FAM168A: variants seen among roughly 807,000 people sequenced by gnomAD.
The protein encoded by FAM168A is family with sequence similarity 168 member A, also known as protein FAM168A.
FAM168A carries 3 observed loss-of-function variants against 28.5 expected under a neutral mutation model. The observed-to-expected ratio is 0.11, with a 90% confidence interval of 0.05 to 0.27. The LOEUF is 0.27. Ranked by LOEUF, FAM168A falls within the 10% of genes least tolerant of loss-of-function variation. The pLI is 1.00. For synonymous variants in FAM168A, 122 were observed against 124.2 expected (o/e 0.98, Z 0.12); for missense variants, 222 against 311.5 (o/e 0.71, Z 2.16).
chr11:73,570,927 A>C (rs1944078771), intron 1 of FAM168A, among the ~76,000 whole-genome samples: 1 of 152,184 alleles, frequency 6.6e-6, no homozygotes, highest in Non-Finnish European at 1.5e-5. Flanking sequence ...TGTTCATACT[A>C]GCAGACCAAG....
chr11:73,459,879 ATTT>A (rs918564469), intron 2 of FAM168A, among the ~76,000 whole-genome samples: 2 of 108,444 alleles, frequency 1.8e-5, no homozygotes, highest in Admixed American at 9.3e-5. Context: ...ATCCAAATGA[ATTT>A]TTTTTTTTTT....
intron 2 of FAM168A, among the ~76,000 whole-genome samples, chr11:73,445,447 T>C (rs1449865341): frequency 7.8e-6 from 1 of 128,676 alleles, no homozygotes; most frequent in Non-Finnish European, 1.6e-5. Context: ...TTTTTTTTTT[T>C]TTGGTAGAGA....
chr11:73,489,202 C>G (rs1281525174), intron 1 of FAM168A, among the ~76,000 whole-genome samples: 1 of 152,094 alleles, frequency 6.6e-6, no homozygotes, highest in Non-Finnish European at 1.5e-5. Context: ...TTCATGTCTC[C>G]TTCCCTTCAT....
chr11:73,503,725 C>T (rs1446172250), intron 1 of FAM168A, among the ~76,000 whole-genome samples: 1 of 152,164 alleles, frequency 6.6e-6, no homozygotes, highest in African/African-American at 2.4e-5. Flanking sequence ...AAGCTGGAGG[C>T]ATCATGCTAC....
At chr11:73,573,652 A>G (rs1944135459) in intron 1 of FAM168A, among the ~76,000 whole-genome samples, 1 of 152,210 alleles carries the variant, frequency 6.6e-6, no homozygotes. Context: ...ATAGCAGTGA[A>G]TTCCGACGGG....
At chr11:73,409,948 G>A (rs970539231) in intron 5 of FAM168A, among the ~76,000 whole-genome samples, 5 of 152,152 alleles carry the variant, frequency 3.3e-5, no homozygotes, top group African/African-American at 1.2e-4. Flanking sequence ...TTACTGCAAT[G>A]AACTTTTATA....
At chr11:73,536,641 C>T (rs909550107) in intron 1 of FAM168A, among the ~76,000 whole-genome samples, 2 of 152,098 alleles carry the variant, frequency 1.3e-5, no homozygotes, top group African/African-American at 2.4e-5. Context: ...GAGCCAAGAT[C>T]ATGCCATTGC....
chr11:73,503,925 T>G (rs185026128), intron 1 of FAM168A, among the ~76,000 whole-genome samples: 2 of 152,296 alleles, frequency 1.3e-5, no homozygotes, highest in Non-Finnish European at 1.5e-5. Context: ...ATTCAGTAAA[T>G]GGTGCCGGGA....
chr11:73,550,093 T>G (rs1943807755), intron 1 of FAM168A, among the ~76,000 whole-genome samples: 1 of 152,238 alleles, frequency 6.6e-6, no homozygotes, highest in Admixed American at 6.5e-5. Flanking sequence ...GAACATATCC[T>G]CAGAATGCTC....
chr11:73,458,401 C>T (rs112708323), intron 2 of FAM168A, among the ~76,000 whole-genome samples: 2,724 of 152,288 alleles, frequency 0.018, 82 homozygotes, highest in African/African-American at 0.061. Context: ...CAAGCAAACA[C>T]ATAGTTTAAT....
At chr11:73,425,041 C>T (rs1565238543) in intron 3 of FAM168A, 4 of 1,530,770 alleles carry the variant, frequency 2.6e-6, no homozygotes, top group Admixed American at 2.0e-5. Flanking sequence ...AATGCAGGAA[C>T]TGAAACTCTG....
chr11:73,463,043 A>G (rs1867677053), intron 2 of FAM168A, among the ~76,000 whole-genome samples: 2 of 151,540 alleles, frequency 1.3e-5, no homozygotes, highest in South Asian at 4.2e-4. Flanking sequence ...ATCTTGGCTC[A>G]CTGCAACCTC....
intron 1 of FAM168A, among the ~76,000 whole-genome samples, chr11:73,526,868 CAAAAAAAAA>C: frequency 5.8e-5 from 3 of 51,924 alleles, no homozygotes; most frequent in East Asian, 1.7e-3. Context: ...GACTCCATCT[CAAAAAAAAA>C]AAAAAAAAAA....
intron 1 of FAM168A, among the ~76,000 whole-genome samples, chr11:73,472,555 T>C (rs1867830491): frequency 6.6e-6 from 1 of 152,156 alleles, no homozygotes; most frequent in Non-Finnish European, 1.5e-5. Context: ...AGTGAAATTA[T>C]TTGTCTTCAT....
intron 1 of FAM168A, among the ~76,000 whole-genome samples, chr11:73,561,165 G>C (rs183873359): frequency 2.6e-5 from 4 of 151,774 alleles, no homozygotes; most frequent in African/African-American, 9.7e-5. Flanking sequence ...ACCTGAGGTC[G>C]GGAGTTCGAG....
chr11:73,432,443 T>C (rs1363958238), intron 2 of FAM168A, among the ~76,000 whole-genome samples: 2 of 147,550 alleles, frequency 1.4e-5, no homozygotes, highest in African/African-American at 5.3e-5. Context: ...CCTTGTTTTA[T>C]TATTATTATT....
intron 2 of FAM168A, among the ~76,000 whole-genome samples, chr11:73,456,496 A>G (rs917871707): frequency 2.0e-5 from 3 of 152,254 alleles, no homozygotes; most frequent in Non-Finnish European, 4.4e-5. Context: ...GGTGATGACC[A>G]TTCTTTATTT....
At chr11:73,576,852 T>G (rs926107818) in intron 1 of FAM168A, among the ~76,000 whole-genome samples, 1 of 152,044 alleles carries the variant, frequency 6.6e-6, no homozygotes, top group Non-Finnish European at 1.5e-5. Context: ...AAATGGCCCC[T>G]GGTTTCCCTG....
At chr11:73,410,149 G>T (rs1232225609) in intron 5 of FAM168A, among the ~76,000 whole-genome samples, 7 of 152,042 alleles carry the variant, frequency 4.6e-5, no homozygotes, top group African/African-American at 1.4e-4. Context: ...GCTCACGTCT[G>T]TAGTTCCAGC....
Sources: allele counts gnomAD v4.1 joint callset (sites outside exome capture counted in the v4.1 genomes callset), GRCh38; gene constraint gnomAD v4.1.1; transcripts MANE v1.5; gene names NCBI Gene and HGNC (gene_info 2026-07-23, HGNC 2026-07-21).